CDKAL1: variants seen among roughly 807,000 people sequenced by gnomAD.
The protein encoded by CDKAL1 is threonylcarbamoyladenosine tRNA methylthiotransferase.
Under a neutral mutation model 68.2 loss-of-function variants are expected in CDKAL1, and 32 were observed. That is an observed-to-expected ratio of 0.47 (90% CI 0.35 to 0.63). The LOEUF is 0.63. CDKAL1 is among the 30% of genes least tolerant of loss of function. The probability of loss-of-function intolerance (pLI) is 0.00; values close to 1 mark genes in which losing one functional copy is unlikely to be tolerated. For missense variants in CDKAL1, 606 were observed against 696.7 expected, an observed-to-expected ratio of 0.87 and a Z score of 1.47; for synonymous variants, 234 against 244.3, an observed-to-expected ratio of 0.96 and a Z score of 0.39.
chr6:21,069,719 T>C (rs1771649759), intron 12 of CDKAL1, among the ~76,000 whole-genome samples: 1 of 151,468 alleles, frequency 6.6e-6, no homozygotes, highest in East Asian at 1.9e-4. Flanking sequence ...AAGTAAAGTA[T>C]TTCTTTTTAA....
chr6:21,224,284 C>CTGA, intron 15 of CDKAL1, among the ~76,000 whole-genome samples: 1 of 152,234 alleles, frequency 6.6e-6, no homozygotes, highest in Non-Finnish European at 1.5e-5. Context: ...CACAAAGGTC[C>CTGA]TGATAAAAAT....
rs1008118491 is a variant in CDKAL1, at chr6:20,534,466, T to C, written c.-158T>C. 1 of 152,774 alleles carries C rather than the reference T, an allele frequency of 6.5e-6. No homozygotes were observed. The highest frequency in any genetic ancestry group is 2.4e-5 in the African/African-American group (1 of 41,438). 9.5% of individuals were successfully genotyped at this position (152,774 alleles called of 1,614,324 possible). The stretch of plus-strand genomic sequence containing the variant: ...GTCGCTGAGCATGCGCAAATAAACG[T>C]GGCGGGACGTATGTGTCATGGCGCT... On this transcript the variant is annotated 5_prime_UTR_variant, in exon 1 of 16. Transcript: ENST00000274695.
chr6:21,065,196 G>A lies in CDKAL1; in HGVS notation c.1204G>A (p.Ala402Thr). 1 of 1,609,046 alleles carries A rather than the reference G, an allele frequency of 6.2e-7. No individual in the cohort carries two copies. Among genetic ancestry groups the A allele is most frequent in the Non-Finnish European group, 8.5e-7 (1 of 1,178,544 alleles). ...ATTTTACCCAAGACCAGGAACTCCT[G>A]CTGCAAAAATGGAACAAGTTCCAGC... is the stretch of plus-strand genomic sequence containing the variant. The part of the protein sequence containing the change: ...NQFYPRPGTP[A>T]AKMEQVPAQV... The change falls in exon 12 of 16, where the codon GCT (alanine) becomes ACT (threonine). Residue 402 changes from alanine (A) to threonine (T), a missense_variant. Ala to Thr is a moderately conservative substitution (Grantham distance 58). Coordinates refer to ENST00000274695, the MANE Select transcript of CDKAL1 (RefSeq NM_017774.3).
chr6:20,870,210 A>G (rs572070852), intron 9 of CDKAL1, among the ~76,000 whole-genome samples: 1 of 152,200 alleles, frequency 6.6e-6, no homozygotes, highest in South Asian at 2.1e-4. Flanking sequence ...AGATGTGGAG[A>G]GCTGTTCTGT....
rs148484140 is a variant in CDKAL1 at position 20,975,360 on chromosome 6, G to A, written c.909+19775G>A. On this transcript the variant is annotated intron_variant, in intron 10 of 15. Transcript: ENST00000274695. ...TTTCATTTTCGAACAAGTTTGCTTG[G>A]TATTTAGTAGTCCCTTTTTTTTGAA... Among the ~76,000 whole-genome samples the A allele has an allele frequency of 6.8e-3, 1,035 of 152,230 alleles. 6 individuals are homozygous for A. Among genetic ancestry groups the A allele is most frequent in the Non-Finnish European group, 0.011 (722 of 68,008 alleles).
chr6:21,024,434 G>A (rs1325772439), intron 11 of CDKAL1, among the ~76,000 whole-genome samples: 1 of 151,916 alleles, frequency 6.6e-6, no homozygotes, highest in Non-Finnish European at 1.5e-5. Context: ...GATTGCTTGA[G>A]CCCAGGAACT....
At chr6:20,813,015 G>A (rs565567816) in intron 8 of CDKAL1, among the ~76,000 whole-genome samples, 1 of 152,258 alleles carries the variant, frequency 6.6e-6, no homozygotes, top group South Asian at 2.1e-4. Context: ...ATTGTAGTGA[G>A]TATATAGTTA....
chr6:20,573,466 G>T (rs548939559), intron 4 of CDKAL1, among the ~76,000 whole-genome samples: 1 of 152,254 alleles, frequency 6.6e-6, no homozygotes, highest in African/African-American at 2.4e-5. Context: ...TGTGTTCAAA[G>T]AAAGTATGCT....
chr6:21,156,002 T>A (rs1776622308), intron 13 of CDKAL1, among the ~76,000 whole-genome samples: 1 of 152,204 alleles, frequency 6.6e-6, no homozygotes, highest in African/African-American at 2.4e-5. Flanking sequence ...AATCATGTTA[T>A]AGGAGAATAT....
At chr6:21,219,177 TG>T (rs1415984612) in intron 15 of CDKAL1, among the ~76,000 whole-genome samples, 1 of 152,144 alleles carries the variant, frequency 6.6e-6, no homozygotes, top group East Asian at 1.9e-4. Flanking sequence ...TTGGTATCTG[TG>T]GGGGATTGGT....
At chr6:20,954,513 ATTGT>A (rs1764686021) in intron 9 of CDKAL1, among the ~76,000 whole-genome samples, 1 of 152,158 alleles carries the variant, frequency 6.6e-6, no homozygotes. Flanking sequence ...GGCTCCCTTC[ATTGT>A]TTGTTTTAGC....
At position 20,927,898 on chromosome 6, in the gene CDKAL1, C is replaced by A. The variant is rs549343330; in HGVS notation, c.743-27521C>A. Among the ~76,000 whole-genome samples the A allele has an allele frequency of 7.9e-5, 12 of 152,170 alleles. No homozygotes were observed. In the South Asian group the frequency reaches 2.1e-3, roughly 26 times the overall value. ...TTATTCTATCAGTTTTTATTAAAAT[C>A]TTAGATTATTAGACTGTATAATTTG... On this transcript the variant is annotated intron_variant, in intron 9 of 15. Coordinates refer to ENST00000274695, the MANE Select transcript of CDKAL1 (RefSeq NM_017774.3).
intron 15 of CDKAL1, among the ~76,000 whole-genome samples, chr6:21,227,450 A>C (rs1005593941): frequency 6.6e-6 from 1 of 152,256 alleles, no homozygotes; most frequent in African/African-American, 2.4e-5. Flanking sequence ...TATGTTTAAA[A>C]ATAGTATCAT....
chr6:21,052,780 T>C (rs1314724717), intron 11 of CDKAL1, among the ~76,000 whole-genome samples: 1 of 151,952 alleles, frequency 6.6e-6, no homozygotes, highest in Non-Finnish European at 1.5e-5. Context: ...TTTTGGAGGC[T>C]GAGGCAGGAG....
intron 13 of CDKAL1, among the ~76,000 whole-genome samples, chr6:21,140,559 C>T (rs1305943537): frequency 2.0e-5 from 3 of 152,128 alleles, no homozygotes; most frequent in Admixed American, 6.6e-5. Context: ...CAGTCAGGGT[C>T]GGTGTCACTC....
chr6:20,852,705 A>G (rs1031685061), intron 9 of CDKAL1, among the ~76,000 whole-genome samples: 4 of 152,196 alleles, frequency 2.6e-5, no homozygotes, highest in Non-Finnish European at 5.9e-5. Flanking sequence ...GCCTTTGCCT[A>G]TTCAGGTCTC....
chr6:20,734,209 G>T (rs77627720), intron 5 of CDKAL1, among the ~76,000 whole-genome samples: 8,953 of 151,050 alleles, frequency 0.059, 315 homozygotes, highest in African/African-American at 0.1. Context: ...CTTCCATTTG[G>T]TTTTTGGAAG....
intron 15 of CDKAL1, among the ~76,000 whole-genome samples, chr6:21,219,471 A>G (rs1303996828): frequency 6.6e-6 from 1 of 152,238 alleles, no homozygotes; most frequent in Non-Finnish European, 1.5e-5. Flanking sequence ...ACCCACAAAT[A>G]TGGAGGACCA....
chr6:20,671,050 C>T (rs1769790254), intron 5 of CDKAL1, among the ~76,000 whole-genome samples: 1 of 152,250 alleles, frequency 6.6e-6, no homozygotes, highest in South Asian at 2.1e-4. Context: ...TTCTAGAGTG[C>T]AGACTGCTGG....
Sources: gnomAD v4.1 joint callset for allele counts (sites outside exome capture counted in the v4.1 genomes callset) on GRCh38, gnomAD v4.1.1 for gene constraint, MANE v1.5 for transcripts, NCBI Gene and HGNC (gene_info 2026-07-23, HGNC 2026-07-21) for gene names.